The following NFXL1 variants were observed in gnomAD, a reference collection of about 807,000 sequenced individuals.
NFXL1 encodes the protein NF-X1-type zinc finger protein NFXL1.
In NFXL1, 66 loss-of-function variants were observed where a neutral mutation model predicts 123.3. The ratio of observed to expected loss-of-function variants is 0.54; its 90% confidence interval spans 0.44 to 0.66. The LOEUF is 0.66. Among genes scored for constraint, NFXL1 ranks in the 30% least tolerant of loss-of-function variants. The pLI is 0.00. For missense variants in NFXL1, 944 were observed against 1,125.6 expected, an observed-to-expected ratio of 0.84 and a Z score of 2.31; for synonymous variants, 346 against 360.8, an observed-to-expected ratio of 0.96 and a Z score of 0.46.
intron 15 of NFXL1, 36 bp from the exon 16 acceptor site, chr4:47,879,153 C>A: frequency 1.1e-6 from 1 of 938,828 alleles, no homozygotes; most frequent in Non-Finnish European, 1.6e-6. Context: ...GAAAACATTA[C>A]AAATTATTCA....
intron 18 of NFXL1, among the ~76,000 whole-genome samples, chr4:47,866,544 AC>A (rs1410537695): frequency 2.0e-5 from 3 of 152,174 alleles, no homozygotes; most frequent in Non-Finnish European, 4.4e-5. Flanking sequence ...TGTATCTCCC[AC>A]CCAAAAAAAG....
Position 47,885,535 on chromosome 4 carries a change from G to A in NFXL1, c.1787C>T (p.Pro596Leu), listed in dbSNP as rs765562075. Residue 596 changes from proline (P) to leucine (L), a missense_variant, in exon 14 of 23, where the codon CCG becomes CTG. Coordinates refer to ENST00000507489, the MANE Select transcript of NFXL1 (RefSeq NM_001278624.2). Reference sequence around the variant, plus strand: ...CTTTATTAATGCTTGATCATGACACGGAGCAGGACACAAGTGACCACATTT... The same window carrying A: ...CTTTATTAATGCTTGATCATGACACAGAGCAGGACACAAGTGACCACATTT... ...LEKCGHLCPA[P>L]CHDQALIKQT... is the part of the protein sequence containing the mutation. The A allele has an allele frequency of 8.1e-6, 13 of 1,613,346 alleles. No homozygotes were observed. Among genetic ancestry groups the A allele is most frequent in the South Asian group, 1.1e-5 (1 of 91,052 alleles).
At chr4:47,895,301 C>T (rs1466753171) in intron 10 of NFXL1, among the ~76,000 whole-genome samples, 2 of 152,184 alleles carry the variant, frequency 1.3e-5, no homozygotes, top group Non-Finnish European at 2.9e-5. Context: ...TCATCAGCTA[C>T]ATTAGCCCTT....
At chr4:47,900,144 G>A (rs938004391) in intron 5 of NFXL1, among the ~76,000 whole-genome samples, 2 of 152,084 alleles carry the variant, frequency 1.3e-5, no homozygotes, top group Non-Finnish European at 2.9e-5. Context: ...TAGAATTAAG[G>A]GGGAATAAAC....
intron 10 of NFXL1, among the ~76,000 whole-genome samples, chr4:47,894,789 T>C (rs1251198819): frequency 3.3e-5 from 5 of 152,204 alleles, no homozygotes; most frequent in South Asian, 4.1e-4. Flanking sequence ...CCAGTTAATG[T>C]TGATATTTTG....
intron 21 of NFXL1, 45 bp downstream of exon 21, chr4:47,851,811 G>T: frequency 8.3e-7 from 1 of 1,202,796 alleles, no homozygotes; most frequent in Non-Finnish European, 1.2e-6. Flanking sequence ...AAAATAAGAA[G>T]GGAAAGGCCA....
chr4:47,868,131 C>T (rs572622591), intron 18 of NFXL1, among the ~76,000 whole-genome samples: 9 of 152,114 alleles, frequency 5.9e-5, no homozygotes, highest in South Asian at 2.1e-4. Flanking sequence ...CTGGCTAACA[C>T]GGTGAAACCC....
At chr4:47,895,220 T>C (rs1441868440) in intron 10 of NFXL1, among the ~76,000 whole-genome samples, 7 of 152,166 alleles carry the variant, frequency 4.6e-5, no homozygotes, top group Non-Finnish European at 1.0e-4. Context: ...ATAGGCAGAC[T>C]AGATTTAGCA....
chr4:47,878,269 G>T (rs934767868), intron 17 of NFXL1, among the ~76,000 whole-genome samples: 1 of 151,886 alleles, frequency 6.6e-6, no homozygotes, highest in Non-Finnish European at 1.5e-5. Context: ...CATATCCTAT[G>T]TATTAACACA....
At position 47,851,004 on chromosome 4, in the gene NFXL1, A is replaced by T. The variant is rs1306889345; in HGVS notation, c.2562+91T>A. The T allele has an allele frequency of 3.3e-6, 3 of 904,624 alleles. No homozygotes were observed. In the African/African-American group the frequency reaches 4.9e-5, roughly 15 times the overall value. The allele number at this position is 904,624 out of a possible 1,614,324, so 56.0% of individuals were successfully genotyped here. ...ATTTTCAGTTCACAATAGAGACTAG[A>T]CCTTAGTTTGACCTTGGAATATACC... On this transcript the variant is annotated intron_variant, in intron 22 of 22. Transcript: ENST00000507489.
chr4:47,851,349 G>A (rs1256587812), intron 21 of NFXL1, among the ~76,000 whole-genome samples: 1 of 152,120 alleles, frequency 6.6e-6, no homozygotes, highest in African/African-American at 2.4e-5. Context: ...TGGATGGAGT[G>A]TTATACCTTA....
intron 4 of NFXL1, among the ~76,000 whole-genome samples, chr4:47,904,467 C>A (rs1044905249): frequency 7.9e-5 from 12 of 152,176 alleles, no homozygotes; most frequent in African/African-American, 2.7e-4. Context: ...GCATTCCCTG[C>A]AGCTGAAATC....
At chr4:47,881,877 C>T (rs1252153486) in intron 15 of NFXL1, among the ~76,000 whole-genome samples, 2 of 151,866 alleles carry the variant, frequency 1.3e-5, no homozygotes, top group Admixed American at 6.6e-5. Flanking sequence ...GAGTTTGAGA[C>T]GGGGAGGGGA....
At chr4:47,878,420 G>A in intron 17 of NFXL1, 105 bp downstream of exon 17, 1 of 861,666 alleles carries the variant, frequency 1.2e-6, no homozygotes, top group Non-Finnish European at 1.7e-6. Context: ...GGCAAAAAAA[G>A]AGACAGGAAG....
At chr4:47,863,131 C>A (rs185571010) in intron 18 of NFXL1, among the ~76,000 whole-genome samples, 1 of 152,216 alleles carries the variant, frequency 6.6e-6, no homozygotes, top group East Asian at 1.9e-4. Context: ...AAGTCAAATG[C>A]CAAAAGTGTA....
At chr4:47,901,216 T>G (rs556593665) in intron 5 of NFXL1, among the ~76,000 whole-genome samples, 1 of 152,210 alleles carries the variant, frequency 6.6e-6, no homozygotes, top group Admixed American at 6.5e-5. Flanking sequence ...ATAAAATAAC[T>G]TAAAATTATT....
At chr4:47,887,749 A>G (rs1736526625) in intron 12 of NFXL1, among the ~76,000 whole-genome samples, 1 of 152,194 alleles carries the variant, frequency 6.6e-6, no homozygotes, top group Admixed American at 6.5e-5. Context: ...ATTCTAAACA[A>G]CAGTATCACA....
intron 18 of NFXL1, among the ~76,000 whole-genome samples, chr4:47,866,547 C>CA (rs796511550): frequency 6.6e-6 from 1 of 151,960 alleles, no homozygotes; most frequent in Non-Finnish European, 1.5e-5. Flanking sequence ...ATCTCCCACC[C>CA]AAAAAAAGAA....
intron 12 of NFXL1, among the ~76,000 whole-genome samples, chr4:47,888,050 C>A (rs537493674): frequency 6.6e-6 from 1 of 152,144 alleles, no homozygotes; most frequent in African/African-American, 2.4e-5. Context: ...CCGAAGCAGG[C>A]AGATCACGAG....
Sources: allele counts gnomAD v4.1 joint callset (sites outside exome capture counted in the v4.1 genomes callset), GRCh38; gene constraint gnomAD v4.1.1; transcripts MANE v1.5; gene names NCBI Gene and HGNC (gene_info 2026-07-23, HGNC 2026-07-21).